SEMA6D: variants seen among roughly 807,000 people sequenced by gnomAD.
SEMA6D encodes semaphorin-6D.
Under a neutral mutation model 106.6 loss-of-function variants are expected in SEMA6D, and 35 were observed. That is an observed-to-expected ratio of 0.33 (90% CI 0.25 to 0.44). The LOEUF is 0.44. Ranked by LOEUF, SEMA6D falls within the 20% of genes least tolerant of loss-of-function variation. SEMA6D has a pLI of 1.00. For synonymous variants in SEMA6D, 499 were observed against 487.7 expected (o/e 1.02, Z -0.31); for missense variants, 1,185 against 1,345.9 (o/e 0.88, Z 1.87).
At chr15:47,315,109 G>A (rs148411932) in intron 1 of SEMA6D, among the ~76,000 whole-genome samples, 8,811 of 151,620 alleles carry the variant, frequency 0.058, 727 homozygotes, top group African/African-American at 0.18. Flanking sequence ...CTCGTGATCC[G>A]CCTGCCTCGG....
intron 1 of SEMA6D, among the ~76,000 whole-genome samples, chr15:47,314,441 A>G (rs996654028): frequency 1.3e-5 from 2 of 149,922 alleles, no homozygotes; most frequent in Non-Finnish European, 3.0e-5. Context: ...TACTAAAAAT[A>G]CAAAAAATTA....
chr15:47,501,327 T>C (rs1279977911), intron 3 of SEMA6D, among the ~76,000 whole-genome samples: 2 of 152,214 alleles, frequency 1.3e-5, no homozygotes, highest in Non-Finnish European at 2.9e-5. Context: ...TAATGAGTTA[T>C]TTCTTTCTCT....
At chr15:47,301,935 A>G (rs2036039724) in intron 1 of SEMA6D, among the ~76,000 whole-genome samples, 2 of 152,216 alleles carry the variant, frequency 1.3e-5, no homozygotes, top group African/African-American at 4.8e-5. Flanking sequence ...AAAATATTTT[A>G]AAATCTAGGC....
At chr15:47,468,772 G>C (rs2042738110) in intron 2 of SEMA6D, among the ~76,000 whole-genome samples, 1 of 152,106 alleles carries the variant, frequency 6.6e-6, no homozygotes, top group Non-Finnish European at 1.5e-5. Context: ...GGTTTGAATA[G>C]TACAGATAAA....
At chr15:47,650,483 C>T (rs960631713) in intron 4 of SEMA6D, among the ~76,000 whole-genome samples, 1 of 152,072 alleles carries the variant, frequency 6.6e-6, no homozygotes, top group Admixed American at 6.6e-5. Flanking sequence ...ATGTATATAG[C>T]AAAAAAATTC....
chr15:47,741,518 A>C (rs1764659834), intron 1 of SEMA6D, among the ~76,000 whole-genome samples: 1 of 152,182 alleles, frequency 6.6e-6, no homozygotes, highest in African/African-American at 2.4e-5. Context: ...GCAGTTCAAG[A>C]CCAGCCTGAC....
intron 2 of SEMA6D, among the ~76,000 whole-genome samples, chr15:47,454,561 A>G (rs2042287356): frequency 6.6e-6 from 1 of 151,152 alleles, no homozygotes; most frequent in Admixed American, 6.6e-5. Flanking sequence ...ACAGCTAAAG[A>G]TGCCTTCACA....
chr15:47,370,390 A>G (rs963031936), intron 1 of SEMA6D, among the ~76,000 whole-genome samples: 5 of 152,160 alleles, frequency 3.3e-5, no homozygotes, highest in African/African-American at 4.8e-5. Context: ...TGGTTCATGC[A>G]TATAGTCCCA....
chr15:47,216,821 A>C (rs2141298004), intron 1 of SEMA6D, among the ~76,000 whole-genome samples: 1 of 152,326 alleles, frequency 6.6e-6, no homozygotes, highest in African/African-American at 2.4e-5. Flanking sequence ...TGCAATTTTT[A>C]ATCTATGAGT....
At chr15:47,654,245 A>G (rs1030511905) in intron 4 of SEMA6D, among the ~76,000 whole-genome samples, 20 of 152,170 alleles carry the variant, frequency 1.3e-4, no homozygotes, top group African/African-American at 2.4e-4. Flanking sequence ...TGAACAATCA[A>G]TGCGGAGCTT....
chr15:47,404,472 C>G (rs1383058158), intron 1 of SEMA6D, among the ~76,000 whole-genome samples: 1 of 152,138 alleles, frequency 6.6e-6, no homozygotes, highest in African/African-American at 2.4e-5. Flanking sequence ...GATTCGATCA[C>G]AGGACCATCT....
intron 4 of SEMA6D, among the ~76,000 whole-genome samples, chr15:47,676,919 G>GT (rs1308381117): frequency 6.9e-6 from 1 of 144,918 alleles, no homozygotes; most frequent in Non-Finnish European, 1.5e-5. Flanking sequence ...GAGGAAGACA[G>GT]TTTTTTCATG....
chr15:47,608,117 G>T (rs190464173), intron 4 of SEMA6D, among the ~76,000 whole-genome samples: 10 of 152,214 alleles, frequency 6.6e-5, no homozygotes, highest in African/African-American at 2.4e-4. Context: ...ATATTATTAT[G>T]GAATGGTTCA....
intron 1 of SEMA6D, among the ~76,000 whole-genome samples, chr15:47,278,443 C>T (rs565114732): frequency 1.1e-3 from 170 of 152,208 alleles, no homozygotes; most frequent in African/African-American, 4.0e-3. Context: ...GTCCTTTGCC[C>T]ACTTTTTGAT....
Position 47,648,479 on chromosome 15 carries a change from AGAATGAAT to A in SEMA6D, c.-55+47603_-55+47610del, listed in dbSNP as rs112820950. 3.3e-5 allele frequency among the ~76,000 whole-genome samples: 5 copies of A among 151,062 alleles called. No homozygotes were observed. In the East Asian group the frequency reaches 5.9e-4, roughly 18 times the overall value. ...CCCTGAACTGGAATAACTGGGTTGG[AGAATGAAT>A]GAATGAATGAATGAATGAAAATTTG... On this transcript the variant is annotated intron_variant, in intron 4 of 19. Coordinates refer to the SEMA6D transcript ENST00000558014.
intron 1 of SEMA6D, among the ~76,000 whole-genome samples, chr15:47,251,256 GT>G (rs1274186797): frequency 1.3e-5 from 2 of 152,122 alleles, no homozygotes; most frequent in Non-Finnish European, 2.9e-5. Flanking sequence ...TAACATGAAG[GT>G]TTTCTTGCCT....
chr15:47,474,104 C>T (rs2042935193), intron 3 of SEMA6D, among the ~76,000 whole-genome samples: 1 of 152,160 alleles, frequency 6.6e-6, no homozygotes, highest in African/African-American at 2.4e-5. Context: ...GGCCTCTTTT[C>T]CCTTTGGCTC....
chr15:47,205,096 A>G (rs924997139), intron 1 of SEMA6D, among the ~76,000 whole-genome samples: 2 of 152,136 alleles, frequency 1.3e-5, no homozygotes, highest in African/African-American at 4.8e-5. Context: ...TTCCTTTGCA[A>G]AACTTTCTGC....
chr15:47,338,190 G>A (rs986300526), intron 1 of SEMA6D, among the ~76,000 whole-genome samples: 11 of 152,154 alleles, frequency 7.2e-5, no homozygotes, highest in Non-Finnish European at 7.3e-5. Context: ...GGGTGTTAAC[G>A]GAGAGAAGGA....
Sources: gnomAD v4.1 joint callset for allele counts (sites outside exome capture counted in the v4.1 genomes callset) on GRCh38, gnomAD v4.1.1 for gene constraint, MANE v1.5 for transcripts, NCBI Gene and HGNC (gene_info 2026-07-23, HGNC 2026-07-21) for gene names.